The following MACROD2 variants were observed in gnomAD, a reference collection of about 807,000 sequenced individuals.
The protein encoded by MACROD2 is ADP-ribose glycohydrolase MACROD2.
A neutral mutation model predicts 70.4 loss-of-function variants in MACROD2; 36 were observed. The observed-to-expected ratio is 0.51, with a 90% CI of 0.39 to 0.68. The LOEUF is 0.68. Ranked by LOEUF, MACROD2 falls within the 30% of genes least tolerant of loss-of-function variation. MACROD2 has a pLI of 0.00. For synonymous variants in MACROD2, 172 were observed against 178.8 expected, an observed-to-expected ratio of 0.96 and a Z score of 0.30; for missense variants, 496 against 538.4, an observed-to-expected ratio of 0.92 and a Z score of 0.78.
chr20:15,980,325 T>C (rs1011396092), intron 13 of MACROD2, among the ~76,000 whole-genome samples: 4 of 152,184 alleles, frequency 2.6e-5, no homozygotes, highest in Non-Finnish European at 5.9e-5. Flanking sequence ...TAAAGCGATA[T>C]GGGAGGGTCT....
chr20:14,291,759 A>G (rs1429990224), intron 3 of MACROD2, among the ~76,000 whole-genome samples: 2 of 151,828 alleles, frequency 1.3e-5, no homozygotes, highest in African/African-American at 2.4e-5. Context: ...AGAAAGCACC[A>G]CTTAATACCC....
chr20:15,635,795 C>T (rs1411028625), intron 8 of MACROD2, among the ~76,000 whole-genome samples: 4 of 151,466 alleles, frequency 2.6e-5, no homozygotes, highest in South Asian at 2.1e-4. Flanking sequence ...CAGCTGGGCA[C>T]GGTGGCTCAC....
chr20:14,599,329 T>A (rs569712383), intron 4 of MACROD2, among the ~76,000 whole-genome samples: 2 of 151,520 alleles, frequency 1.3e-5, no homozygotes, highest in South Asian at 4.2e-4. Context: ...AAGTGGGGAG[T>A]TAGCTTTTGG....
chr20:15,560,928 T>C (rs1026282945), intron 8 of MACROD2, among the ~76,000 whole-genome samples: 7 of 151,932 alleles, frequency 4.6e-5, no homozygotes, highest in African/African-American at 1.7e-4. Flanking sequence ...AACTAAATGA[T>C]CAAAGTCAAC....
chr20:15,199,805 G>T (rs1391537694), intron 5 of MACROD2, among the ~76,000 whole-genome samples: 2 of 152,114 alleles, frequency 1.3e-5, no homozygotes, highest in South Asian at 2.1e-4. Flanking sequence ...AGTTGTTACA[G>T]CACTTAACAG....
chr20:14,238,774 A>G (rs903772964), intron 3 of MACROD2, among the ~76,000 whole-genome samples: 14 of 152,014 alleles, frequency 9.2e-5, no homozygotes, highest in African/African-American at 3.4e-4. Flanking sequence ...CATGCCTGTA[A>G]TCCCAGCACT....
At chr20:15,512,606 G>A (rs1022266720) in intron 8 of MACROD2, among the ~76,000 whole-genome samples, 1 of 152,080 alleles carries the variant, frequency 6.6e-6, no homozygotes, top group Non-Finnish European at 1.5e-5. Context: ...ATTCTCCCTG[G>A]ACATGAAGGT....
At chr20:14,902,802 T>C (rs2073912090) in intron 5 of MACROD2, among the ~76,000 whole-genome samples, 1 of 152,008 alleles carries the variant, frequency 6.6e-6, no homozygotes, top group East Asian at 1.9e-4. Flanking sequence ...ACTCAAGGAA[T>C]GCCATGAACT....
intron 8 of MACROD2, among the ~76,000 whole-genome samples, chr20:15,631,994 C>T (rs565639740): frequency 3.9e-4 from 59 of 152,072 alleles, no homozygotes; most frequent in African/African-American, 1.4e-3. Flanking sequence ...AAAAAGTTAG[C>T]TGGGTGTAGT....
intron 3 of MACROD2, among the ~76,000 whole-genome samples, chr20:14,098,268 A>T (rs1011260618): frequency 5.3e-5 from 8 of 152,232 alleles, no homozygotes; most frequent in Non-Finnish European, 1.0e-4. Flanking sequence ...TGTGTCCTTC[A>T]GCTTTAGCTG....
chr20:15,752,940 A>G (rs1322207324), intron 8 of MACROD2, among the ~76,000 whole-genome samples: 1 of 152,042 alleles, frequency 6.6e-6, no homozygotes. Context: ...GGGAGAGGGA[A>G]TGTGTTTGTA....
intron 3 of MACROD2, among the ~76,000 whole-genome samples, chr20:14,479,468 A>G (rs1219314392): frequency 6.6e-6 from 1 of 152,080 alleles, no homozygotes; most frequent in Non-Finnish European, 1.5e-5. Flanking sequence ...CTGTTGCTAC[A>G]TTGGATGTCA....
intron 8 of MACROD2, among the ~76,000 whole-genome samples, chr20:15,746,016 G>A (rs1441646978): frequency 6.6e-6 from 1 of 152,062 alleles, no homozygotes; most frequent in Non-Finnish European, 1.5e-5. Flanking sequence ...CTTGGCCTAT[G>A]TTATTGCCAC....
chr20:14,643,068 A>G, intron 4 of MACROD2, among the ~76,000 whole-genome samples: 1 of 152,134 alleles, frequency 6.6e-6, no homozygotes. Flanking sequence ...AAACATTAGT[A>G]TTTTTACTGT....
At chr20:15,903,799 A>G (rs2065101609) in intron 10 of MACROD2, among the ~76,000 whole-genome samples, 1 of 152,200 alleles carries the variant, frequency 6.6e-6, no homozygotes, top group Non-Finnish European at 1.5e-5. Flanking sequence ...TTGAGAATAG[A>G]CTGGGCTAAG....
intron 5 of MACROD2, among the ~76,000 whole-genome samples, chr20:14,930,852 A>T (rs1449572651): frequency 7.7e-6 from 1 of 129,322 alleles, no homozygotes; most frequent in African/African-American, 2.8e-5. Flanking sequence ...AATTATGGCA[A>T]TTTTTTTAAG....
chr20:14,214,120 C>T (rs2081593994), intron 3 of MACROD2, among the ~76,000 whole-genome samples: 1 of 152,066 alleles, frequency 6.6e-6, no homozygotes, highest in Non-Finnish European at 1.5e-5. Context: ...ATAATTGAAG[C>T]ATGTGAGTCA....
intron 5 of MACROD2, among the ~76,000 whole-genome samples, chr20:14,738,915 A>G (rs1315912573): frequency 6.6e-6 from 1 of 152,068 alleles, no homozygotes; most frequent in African/African-American, 2.4e-5. Context: ...GCTAAGTATA[A>G]TTAATAAAAA....
intron 6 of MACROD2, among the ~76,000 whole-genome samples, chr20:15,409,226 T>C (rs1568785216): frequency 6.6e-6 from 1 of 152,284 alleles, no homozygotes; most frequent in Non-Finnish European, 1.5e-5. Flanking sequence ...CTCATCATTT[T>C]TATGGTTAAA....
Sources: gnomAD v4.1 joint callset for allele counts (sites outside exome capture counted in the v4.1 genomes callset) on GRCh38, gnomAD v4.1.1 for gene constraint, MANE v1.5 for transcripts, NCBI Gene and HGNC (gene_info 2026-07-23, HGNC 2026-07-21) for gene names.